The following ITPR1 variants were observed in gnomAD, a reference collection of about 807,000 sequenced individuals.
The protein encoded by ITPR1 is inositol 1,4,5-trisphosphate receptor type 1, also known as inositol 1,4,5-trisphosphate-gated calcium channel ITPR1.
In ITPR1, 96 loss-of-function variants were observed where a neutral mutation model predicts 318.4. The ratio of observed to expected loss-of-function variants is 0.30; its 90% CI spans 0.26 to 0.36. ITPR1 has a LOEUF of 0.36. ITPR1 is among the 10% of genes least tolerant of loss of function. The probability of loss-of-function intolerance (pLI) is 1.00; values close to 1 mark genes in which losing one functional copy is unlikely to be tolerated. For missense variants in ITPR1, 2,440 were observed against 3,460.2 expected, an observed-to-expected ratio of 0.71 and a Z score of 7.40; for synonymous variants, 1,312 against 1,289.9, an observed-to-expected ratio of 1.02 and a Z score of -0.37.
At chr3:4,829,780 C>T (rs547907264) in intron 60 of ITPR1, among the ~76,000 whole-genome samples, 43 of 152,150 alleles carry the variant, frequency 2.8e-4, no homozygotes, top group Non-Finnish European at 2.2e-4. Flanking sequence ...ATTCAAATGA[C>T]ACGTATCCAC....
In ITPR1 at chr3:4,665,249, T is replaced by A; in HGVS notation, c.1666T>A (p.Cys556Ser). Residue 556 changes from cysteine (C) to serine (S), a missense_variant, in exon 17 of 62, where the codon TGC becomes AGC. By Grantham distance (112) the Cys-to-Ser change is moderately radical. Transcript: ENST00000649015. Reference protein sequence around the residue: ...HAPFRHICRLCYRVLRHSQQD... With the variant: ...HAPFRHICRLSYRVLRHSQQD... ...TCCTTTCAGACACATCTGCCGGCTC[T>A]GCTACAGGGTGCTGAGACACTCGCA... The A allele has an allele frequency of 6.2e-7, 1 of 1,614,052 alleles. No individual in the cohort carries two copies. Among genetic ancestry groups the A allele is most frequent in the South Asian group, 1.1e-5 (1 of 91,084 alleles).
chr3:4,554,190 G>GT (rs1392777726), intron 4 of ITPR1, among the ~76,000 whole-genome samples: 1 of 152,222 alleles, frequency 6.6e-6, no homozygotes, highest in Admixed American at 6.5e-5. Context: ...CTTGCCCAAG[G>GT]TAACAGTCAC....
rs113859080 is a variant in ITPR1 at position 4,527,203 on chromosome 3, G to A, written c.163+6109G>A. On this transcript the variant is annotated intron_variant, in intron 4 of 61. Coordinates refer to ENST00000649015, the MANE Select transcript of ITPR1 (RefSeq NM_001378452.1). Reference sequence around the variant, plus strand: ...TCCTTTGTAGTTTTATGGAGACAAGGTCTCACTCTGTTGCCCAGGCTGGAT... The same window carrying A: ...TCCTTTGTAGTTTTATGGAGACAAGATCTCACTCTGTTGCCCAGGCTGGAT... Among the ~76,000 whole-genome samples the A allele has an allele frequency of 7.2e-3, 1,097 of 152,278 alleles. 20 individuals are homozygous for A. The highest frequency in any genetic ancestry group is 0.025 in the African/African-American group (1,033 of 41,538).
chr3:4,817,797 C>T (rs536188950), intron 59 of ITPR1, among the ~76,000 whole-genome samples: 26 of 152,202 alleles, frequency 1.7e-4, no homozygotes, highest in Non-Finnish European at 2.4e-4. Flanking sequence ...GGAACCTAGA[C>T]GGCGGTCTCC....
intron 7 of ITPR1, among the ~76,000 whole-genome samples, chr3:4,643,254 T>C (rs1299752281): frequency 6.6e-6 from 1 of 152,228 alleles, no homozygotes; most frequent in African/African-American, 2.4e-5. Flanking sequence ...GAAAATTCAA[T>C]TGTATATGCT....
chr3:4,763,421 G>T (rs916157295), intron 44 of ITPR1, among the ~76,000 whole-genome samples: 1 of 151,954 alleles, frequency 6.6e-6, no homozygotes, highest in Admixed American at 6.6e-5. Flanking sequence ...TCTTCCTTCC[G>T]TTGAGGCACT....
chr3:4,515,252 A>T (rs1251223167), intron 2 of ITPR1, among the ~76,000 whole-genome samples: 1 of 152,224 alleles, frequency 6.6e-6, no homozygotes, highest in Non-Finnish European at 1.5e-5. Context: ...CTGAGGTGTC[A>T]TGCTGATCAT....
Position 4,676,295 on chromosome 3 carries a change from T to C in ITPR1, c.2780-319T>C, listed in dbSNP as rs116438554. ...AGAAGTTTGAGGCCACAGGGAACCATCATTGTGTCACTGCACTCCAGCCTA... is the reference window on the plus strand; with the variant it reads ...AGAAGTTTGAGGCCACAGGGAACCACCATTGTGTCACTGCACTCCAGCCTA... On this transcript the variant is annotated intron_variant, in intron 23 of 61. Coordinates refer to ENST00000649015, the MANE Select transcript of ITPR1 (RefSeq NM_001378452.1). Among the ~76,000 whole-genome samples the C allele has an allele frequency of 3.1e-3, 473 of 152,024 alleles. 3 individuals carry two copies. Among genetic ancestry groups the C allele is most frequent in the African/African-American group, 0.011 (458 of 41,446 alleles).
chr3:4,838,953 C>T (rs1394845998), intron 61 of ITPR1, among the ~76,000 whole-genome samples: 1 of 152,246 alleles, frequency 6.6e-6, no homozygotes, highest in Non-Finnish European at 1.5e-5. Context: ...AAGAGTGATT[C>T]TGACTCTGCT....
chr3:4,588,365 G>A (rs2090100986), intron 4 of ITPR1, among the ~76,000 whole-genome samples: 1 of 151,438 alleles, frequency 6.6e-6, no homozygotes, highest in Admixed American at 6.6e-5. Flanking sequence ...AAGCCTGTTA[G>A]TGGGGTGTAT....
chr3:4,716,082 A>G (rs192093996), intron 39 of ITPR1, among the ~76,000 whole-genome samples: 1 of 152,372 alleles, frequency 6.6e-6, no homozygotes, highest in East Asian at 1.9e-4. Context: ...CATGATGCTT[A>G]TAGTGTCTTT....
chr3:4,779,631 A>C lies in ITPR1; in HGVS notation c.6373A>C (p.Arg2125=). The stretch of plus-strand genomic sequence containing the variant: ...CGCAGAGAGGATACTTTATAACATG[A>C]GGCCCAAGGAACTGGTGAGTCGGGT... ...ENAERILYNM[R]PKELVEVIKK... The change falls in exon 49 of 62, where the codon AGG becomes CGG. Residue 2125 remains arginine, a synonymous_variant. Transcript: ENST00000649015. This position sits in a 1 kb window ranked among gnomAD's most constrained non-coding sequence, Gnocchi z 4.0. The C allele has an allele frequency of 6.2e-7, 1 of 1,610,256 alleles. No homozygotes were observed. Among genetic ancestry groups the C allele is most frequent in the Admixed American group, 1.7e-5 (1 of 59,936 alleles).
rs771592323 is a variant in ITPR1 at position 4,699,794 on chromosome 3, A to C, written c.4408-19A>C. On this transcript the variant is annotated intron_variant, in intron 34 of 61. Coordinates refer to ENST00000649015, the MANE Select transcript of ITPR1 (RefSeq NM_001378452.1). ...TGTAGGTTTTGGTGTAATGCTTAAC[A>C]TACCCACTTGTCTTCCAGGCCTGTA... 2.5e-6 allele frequency: 4 copies of C among 1,613,404 alleles called. No individual in the cohort carries two copies. The South Asian group carries it at 4.4e-5, about 18-fold the overall frequency.
intron 40 of ITPR1, among the ~76,000 whole-genome samples, chr3:4,720,011 T>C (rs528941754): frequency 4.6e-5 from 7 of 152,312 alleles, no homozygotes; most frequent in African/African-American, 1.4e-4. Flanking sequence ...TACACCTGTG[T>C]AGCCGCCACC....
intron 32 of ITPR1, among the ~76,000 whole-genome samples, chr3:4,692,398 A>G (rs1192312486): frequency 6.6e-6 from 1 of 152,218 alleles, no homozygotes; most frequent in Non-Finnish European, 1.5e-5. Context: ...CAGTTTGTCT[A>G]TAATAAATTA....
In ITPR1 at chr3:4,782,639, C is replaced by G. The variant is rs35469408; in HGVS notation, c.6408C>G (p.Ala2136=). The G allele has an allele frequency of 1.6e-5, 25 of 1,606,868 alleles. No homozygotes were observed. In the African/African-American group the frequency reaches 2.9e-4, roughly 19 times the overall value. ...TGCAGGTGGAAGTGATCAAGAAAGC[C>G]TACATGCAAGGTGAAGTGGAATTTG... ...PKELVEVIKK[A]YMQGEVEFED... The change falls in exon 50 of 62, where the codon GCC becomes GCG. Residue 2136 remains alanine (A), a synonymous_variant. Transcript: ENST00000649015.
chr3:4,684,986 C>T lies in ITPR1; in HGVS notation c.3565-83C>T, dbSNP rs2094365954. On this transcript the variant is annotated intron_variant, in intron 29 of 61. Coordinates refer to ENST00000649015, the MANE Select transcript of ITPR1 (RefSeq NM_001378452.1). The stretch of plus-strand genomic sequence containing the variant: ...TTTAATGCATTATAATCCCCTTTGC[C>T]TCCCTGCCCGCCACCACCCTCTGCA... 3 of 1,408,484 alleles carry T rather than the reference C, an allele frequency of 2.1e-6. No homozygotes were observed. The African/African-American group carries it at 4.2e-5, about 20-fold the overall frequency. 87.2% of individuals were successfully genotyped at this position (1,408,484 alleles called of 1,614,324 possible).
intron 2 of ITPR1, among the ~76,000 whole-genome samples, chr3:4,512,523 C>G (rs1330452241): frequency 6.6e-6 from 1 of 152,138 alleles, no homozygotes; most frequent in African/African-American, 2.4e-5. Context: ...GATAAATTAT[C>G]TTCCCTGAAG....
intron 54 of ITPR1, among the ~76,000 whole-genome samples, chr3:4,802,625 C>T (rs894797292): frequency 3.3e-5 from 5 of 151,966 alleles, no homozygotes; most frequent in African/African-American, 1.2e-4. Context: ...GAGTTCAAGA[C>T]CAGCCTGGCC....
Sources: gnomAD v4.1 joint callset for allele counts (sites outside exome capture counted in the v4.1 genomes callset) on GRCh38, gnomAD v4.1.1 for gene constraint, Gnocchi (gnomAD v3.1) non-coding constraint, MANE v1.5 for transcripts, NCBI Gene and HGNC (gene_info 2026-07-23, HGNC 2026-07-21) for gene names.